Variants in DOCK3 observed in about 807,000 individuals in gnomAD.
DOCK3 encodes dedicator of cytokinesis protein 3.
Under a neutral mutation model 265.6 loss-of-function variants are expected in DOCK3, and 60 were observed. The ratio of observed to expected loss-of-function variants is 0.23; its 90% CI spans 0.18 to 0.28. The LOEUF (loss-of-function observed/expected upper bound fraction) is 0.28, where lower values mean the gene tolerates loss of function less well. Ranked by LOEUF, DOCK3 falls within the 10% of genes least tolerant of loss-of-function variation. The pLI is 1.00. For synonymous variants in DOCK3, 881 were observed against 938.0 expected, an observed-to-expected ratio of 0.94 and a Z score of 1.11; for missense variants, 1,981 against 2,594.3, an observed-to-expected ratio of 0.76 and a Z score of 5.14.
chr3:50,679,149 T>A (rs927830953), intron 1 of DOCK3, among the ~76,000 whole-genome samples: 4 of 151,948 alleles, frequency 2.6e-5, no homozygotes, highest in Admixed American at 2.0e-4. Context: ...TTAAAAAAAA[T>A]TTTTTTTAGT....
chr3:51,057,918 A>C (rs2081262964), intron 5 of DOCK3, among the ~76,000 whole-genome samples: 1 of 152,216 alleles, frequency 6.6e-6, no homozygotes, highest in Non-Finnish European at 1.5e-5. Context: ...TATTGAAAAA[A>C]ATTGTGTAAT....
intron 22 of DOCK3, among the ~76,000 whole-genome samples, chr3:51,255,020 A>T (rs1329961544): frequency 6.6e-6 from 1 of 152,026 alleles, no homozygotes; most frequent in Non-Finnish European, 1.5e-5. Flanking sequence ...GTTCCTTTCT[A>T]TGTTTAGTGC....
intron 2 of DOCK3, among the ~76,000 whole-genome samples, chr3:50,816,271 A>G (rs1314631414): frequency 7.6e-6 from 1 of 130,954 alleles, no homozygotes; most frequent in Non-Finnish European, 1.7e-5. Context: ...TTTTTTTTTC[A>G]TTGTTTTTAG....
chr3:50,908,782 CT>C (rs891370248), intron 4 of DOCK3, among the ~76,000 whole-genome samples: 2 of 152,040 alleles, frequency 1.3e-5, no homozygotes, highest in African/African-American at 4.8e-5. Context: ...TGTTAATTTT[CT>C]GTCTCGATGA....
intron 1 of DOCK3, among the ~76,000 whole-genome samples, chr3:50,710,297 G>A (rs1255453038): frequency 2.0e-5 from 3 of 151,328 alleles, no homozygotes; most frequent in South Asian, 2.1e-4. Context: ...CAGAATCTAC[G>A]AGGAACTCAA....
intron 3 of DOCK3, among the ~76,000 whole-genome samples, chr3:50,882,263 A>G (rs2048082406): frequency 6.6e-6 from 1 of 152,194 alleles, no homozygotes; most frequent in Admixed American, 6.5e-5. Context: ...AAAATAGACA[A>G]ATGGGATCTA....
intron 9 of DOCK3, among the ~76,000 whole-genome samples, chr3:51,117,746 C>T (rs1310704838): frequency 6.6e-6 from 1 of 152,082 alleles, no homozygotes; most frequent in Non-Finnish European, 1.5e-5. Context: ...AGTTTATTTG[C>T]TTTTAGGTGT....
chr3:51,214,646 G>A (rs1240256704), intron 14 of DOCK3, among the ~76,000 whole-genome samples: 1 of 152,190 alleles, frequency 6.6e-6, no homozygotes, highest in African/African-American at 2.4e-5. Context: ...CAAAATATAT[G>A]CCTGTAGTAT....
In DOCK3 at chr3:50,907,994, T is replaced by A. The variant is rs375010749; in HGVS notation, c.218+17913T>A. Among the ~76,000 whole-genome samples the A allele has an allele frequency of 1.8e-4, 28 of 152,218 alleles. 1 individual carries two copies. Among genetic ancestry groups the A allele is most frequent in the East Asian group, 1.5e-3 (8 of 5,196 alleles). On this transcript the variant is annotated intron_variant, in intron 4 of 52. Transcript: ENST00000266037. ...ATTTATTCATTTCTTCTAGATTTTC[T>A]AGTTTATGGGCATAGAGATGTTCAT...
At chr3:50,960,120 T>G (rs2108380813) in intron 5 of DOCK3, among the ~76,000 whole-genome samples, 1 of 152,350 alleles carries the variant, frequency 6.6e-6, no homozygotes, top group South Asian at 2.1e-4. Context: ...ATTGGATTGT[T>G]TCCACTTTTT....
At chr3:50,770,751 TCTAACC>T (rs1443800195) in intron 1 of DOCK3, among the ~76,000 whole-genome samples, 3 of 152,138 alleles carry the variant, frequency 2.0e-5, no homozygotes, top group Non-Finnish European at 4.4e-5. Context: ...ACAAGGTTTG[TCTAACC>T]CTAACCCTAA....
At chr3:51,224,555 T>C (rs1315943137) in intron 14 of DOCK3, among the ~76,000 whole-genome samples, 1 of 152,228 alleles carries the variant, frequency 6.6e-6, no homozygotes, top group Non-Finnish European at 1.5e-5. Context: ...TTGAATGTAC[T>C]AGTTTTTCTA....
chr3:51,189,483 A>G (rs1393467208), intron 12 of DOCK3, among the ~76,000 whole-genome samples: 1 of 152,164 alleles, frequency 6.6e-6, no homozygotes, highest in Non-Finnish European at 1.5e-5. Flanking sequence ...ACCAAAGCTT[A>G]GGTCCCACTT....
At position 50,703,716 on chromosome 3, in the gene DOCK3, G is replaced by A. The variant is rs538989088; in HGVS notation, c.37+28416G>A. Among the ~76,000 whole-genome samples the A allele has an allele frequency of 6.6e-5, 10 of 151,994 alleles. No homozygotes were observed. In the East Asian group the frequency reaches 1.7e-3, roughly 26 times the overall value. Reference sequence around the variant, plus strand: ...TATTTGGGTTTTCTCGGTTACTGTAGTTAACTGTTTATTGATTTTGTTTAT... The same window carrying A: ...TATTTGGGTTTTCTCGGTTACTGTAATTAACTGTTTATTGATTTTGTTTAT... On this transcript the variant is annotated intron_variant, in intron 1 of 52. Coordinates refer to ENST00000266037, the MANE Select transcript of DOCK3 (RefSeq NM_004947.5).
At chr3:50,798,441 C>T (rs973602729) in intron 2 of DOCK3, among the ~76,000 whole-genome samples, 2 of 152,210 alleles carry the variant, frequency 1.3e-5, no homozygotes, top group African/African-American at 4.8e-5. Context: ...GAAATGAGAT[C>T]ATCCCACCTG....
intron 5 of DOCK3, among the ~76,000 whole-genome samples, chr3:51,023,982 T>A (rs903083646): frequency 2.0e-5 from 3 of 152,220 alleles, no homozygotes; most frequent in African/African-American, 4.8e-5. Flanking sequence ...TGGATTTATT[T>A]CTAATTTGGA....
Position 50,722,462 on chromosome 3 carries a change from C to A in DOCK3, c.37+47162C>A, listed in dbSNP as rs921506458. Among the ~76,000 whole-genome samples, 13 of 152,218 alleles carry A rather than the reference C, an allele frequency of 8.5e-5. No individual in the cohort carries two copies. The South Asian group carries it at 2.3e-3, about 27-fold the overall frequency. ...CATTTGAAGCACTGGTGAAATAAAT[C>A]AAAATTTAAGCTGAAAGAAAGCTGG... On this transcript the variant is annotated intron_variant, in intron 1 of 52. Transcript: ENST00000266037.
chr3:50,874,547 T>C (rs2107608232), intron 3 of DOCK3, among the ~76,000 whole-genome samples: 1 of 151,964 alleles, frequency 6.6e-6, no homozygotes, highest in South Asian at 2.1e-4. Context: ...AGTATAGGCA[T>C]TTTAACAATA....
intron 33 of DOCK3, among the ~76,000 whole-genome samples, chr3:51,332,400 G>A (rs763640166): frequency 9.2e-5 from 14 of 152,336 alleles, no homozygotes; most frequent in Middle Eastern, 3.4e-3. Context: ...AAAGAACCTG[G>A]ACATTTAGCT....
Sources: gnomAD v4.1 joint callset for allele counts (sites outside exome capture counted in the v4.1 genomes callset) on GRCh38, gnomAD v4.1.1 for gene constraint, MANE v1.5 for transcripts, NCBI Gene and HGNC (gene_info 2026-07-23, HGNC 2026-07-21) for gene names.